The following SNTG2 variants were observed in gnomAD, a reference collection of about 807,000 sequenced individuals.
The protein encoded by SNTG2 is gamma-2-syntrophin.
In SNTG2, 74 loss-of-function variants were observed where a neutral mutation model predicts 70.9. That is an observed-to-expected ratio of 1.04 (90% CI 0.86 to 1.27). SNTG2 has a LOEUF of 1.27. Among genes scored for constraint, SNTG2 ranks in the 50% most tolerant of loss-of-function variants. The pLI, the probability that SNTG2 is intolerant of heterozygous loss-of-function variation, is 0.00. For synonymous variants in SNTG2, 278 were observed against 273.8 expected (o/e 1.02, Z -0.15); for missense variants, 717 against 690.7 (o/e 1.04, Z -0.43).
chr2:1,020,076 A>G (rs1241384458), intron 1 of SNTG2, among the ~76,000 whole-genome samples: 1 of 152,136 alleles, frequency 6.6e-6, no homozygotes, highest in African/African-American at 2.4e-5. Flanking sequence ...CAGAAACACT[A>G]TGGGCCACTG....
chr2:1,217,167 CT>C (rs1674449644), intron 9 of SNTG2, among the ~76,000 whole-genome samples: 3 of 151,956 alleles, frequency 2.0e-5, no homozygotes, highest in African/African-American at 7.3e-5. Flanking sequence ...ATACTGAAGT[CT>C]AATTCATTTT....
chr2:1,073,208 G>C (rs933886719), intron 1 of SNTG2, among the ~76,000 whole-genome samples: 1 of 152,196 alleles, frequency 6.6e-6, no homozygotes, highest in Non-Finnish European at 1.5e-5. Context: ...TGTACTGTGT[G>C]TAAAATTCTA....
At chr2:1,181,581 T>A (rs1671902093) in intron 8 of SNTG2, among the ~76,000 whole-genome samples, 1 of 152,190 alleles carries the variant, frequency 6.6e-6, no homozygotes, top group African/African-American at 2.4e-5. Context: ...TAGCAACCTC[T>A]TCCTCTAGAG....
intron 1 of SNTG2, among the ~76,000 whole-genome samples, chr2:1,031,528 A>ATATATATATATATATATT: frequency 3.4e-5 from 2 of 59,122 alleles, no homozygotes; most frequent in African/African-American, 8.3e-5. Flanking sequence ...ATATATATAT[A>ATATATATATATATATATT]TTTTTTTTTT....
At chr2:979,371 AT>A (rs1661024636) in intron 1 of SNTG2, among the ~76,000 whole-genome samples, 2 of 152,342 alleles carry the variant, frequency 1.3e-5, no homozygotes, top group South Asian at 4.1e-4. Context: ...AGAAGGTAGC[AT>A]TTAGGTACAA....
chr2:984,637 G>T (rs961688518), intron 1 of SNTG2, among the ~76,000 whole-genome samples: 4 of 152,156 alleles, frequency 2.6e-5, no homozygotes, highest in Non-Finnish European at 4.4e-5. Flanking sequence ...TGGCCCTGCC[G>T]TCCTGAAATT....
chr2:1,155,123 A>G (rs142497742), intron 6 of SNTG2, among the ~76,000 whole-genome samples: 1 of 148,764 alleles, frequency 6.7e-6, no homozygotes, highest in African/African-American at 2.5e-5. Flanking sequence ...CCACATATAC[A>G]TACAACACAA....
intron 8 of SNTG2, among the ~76,000 whole-genome samples, chr2:1,200,155 G>A (rs1475986857): frequency 6.6e-6 from 1 of 151,780 alleles, no homozygotes; most frequent in Non-Finnish European, 1.5e-5. Flanking sequence ...GCATGGTACT[G>A]GTATAAAAAC....
rs1371376761 is a variant in SNTG2, at chr2:1,191,586, G to A, written c.592-17517G>A. Among the ~76,000 whole-genome samples, 4 of 152,218 alleles carry A rather than the reference G, an allele frequency of 2.6e-5. No individual in the cohort carries two copies. In the South Asian group the frequency reaches 8.3e-4, roughly 32 times the overall value. ...TGAGGTGAACGGATCATGAGGTCAG[G>A]AGATTGAGTCCATCCTGGCTAACAC... is the stretch of plus-strand genomic sequence containing the variant. On this transcript the variant is annotated intron_variant, in intron 8 of 16. Transcript: ENST00000308624.
chr2:977,292 A>G (rs28393260), intron 1 of SNTG2, among the ~76,000 whole-genome samples: 18,706 of 152,262 alleles, frequency 0.12, 1,344 homozygotes, highest in Non-Finnish European at 0.16. Context: ...CTGCGTTAGA[A>G]GATTTTCAAA....
intron 11 of SNTG2, among the ~76,000 whole-genome samples, chr2:1,246,791 G>C (rs1677458048): frequency 6.6e-6 from 1 of 152,080 alleles, no homozygotes; most frequent in African/African-American, 2.4e-5. Flanking sequence ...ATCATATTCT[G>C]ATTTTGATAG....
chr2:1,083,836 C>A (rs1278873883), intron 2 of SNTG2, among the ~76,000 whole-genome samples, 181 bp downstream of exon 2: 2 of 152,214 alleles, frequency 1.3e-5, no homozygotes, highest in Admixed American at 6.5e-5. Context: ...ATTATTTACT[C>A]TCTCCCTGAC....
At chr2:1,253,217 C>T (rs1677865038) in intron 12 of SNTG2, among the ~76,000 whole-genome samples, 3 of 151,980 alleles carry the variant, frequency 2.0e-5, no homozygotes, top group African/African-American at 7.3e-5. Context: ...ATGCTCAGCA[C>T]CCACCCACCC....
intron 8 of SNTG2, among the ~76,000 whole-genome samples, chr2:1,182,637 C>G (rs1045152744): frequency 5.4e-4 from 82 of 152,330 alleles, no homozygotes; most frequent in African/African-American, 1.9e-3. Context: ...TACAAGGTGC[C>G]TGCAGTGAAG....
chr2:1,325,195 A>C (rs1681709651), intron 16 of SNTG2, among the ~76,000 whole-genome samples: 1 of 152,214 alleles, frequency 6.6e-6, no homozygotes, highest in Non-Finnish European at 1.5e-5. Flanking sequence ...ATTACAAAAG[A>C]AAATAGACTT....
chr2:1,284,483 G>A (rs1277036807), intron 14 of SNTG2, among the ~76,000 whole-genome samples: 2 of 152,138 alleles, frequency 1.3e-5, no homozygotes, highest in Non-Finnish European at 2.9e-5. Context: ...AGTCTCCAAC[G>A]TATCACAGTC....
At chr2:1,028,464 A>C (rs1660620109) in intron 1 of SNTG2, among the ~76,000 whole-genome samples, 1 of 152,242 alleles carries the variant, frequency 6.6e-6, no homozygotes, top group African/African-American at 2.4e-5. Context: ...AAATCCCCAC[A>C]GCTGGTTCCG....
intron 12 of SNTG2, among the ~76,000 whole-genome samples, chr2:1,252,586 A>G (rs1677831714): frequency 6.6e-6 from 1 of 152,226 alleles, no homozygotes; most frequent in Admixed American, 6.5e-5. Flanking sequence ...CATGTCCAGC[A>G]TCACCTCTGA....
At chr2:1,275,979 G>T (rs990204535) in intron 14 of SNTG2, among the ~76,000 whole-genome samples, 1 of 152,190 alleles carries the variant, frequency 6.6e-6, no homozygotes, top group Non-Finnish European at 1.5e-5. Context: ...ACTCCTTTAA[G>T]CCAAAGCCTA....
Sources: gnomAD v4.1 joint callset for allele counts (sites outside exome capture counted in the v4.1 genomes callset) on GRCh38, gnomAD v4.1.1 for gene constraint, MANE v1.5 for transcripts, NCBI Gene and HGNC (gene_info 2026-07-23, HGNC 2026-07-21) for gene names.